WWOX: variants seen among roughly 807,000 people sequenced by gnomAD.
WWOX encodes the protein WW domain-containing oxidoreductase.
A neutral mutation model predicts 46.2 loss-of-function variants in WWOX; 69 were observed. The observed-to-expected ratio is 1.49, with a 90% CI of 1.23 to 1.82. WWOX has a LOEUF of 1.82. Among genes scored for constraint, WWOX ranks in the 40% most tolerant of loss-of-function variants. The pLI, the probability that WWOX is intolerant of heterozygous loss-of-function variation, is 0.00. For synonymous variants in WWOX, 359 were observed against 202.6 expected, an observed-to-expected ratio of 1.77 and a Z score of -6.56; for missense variants, 919 against 542.6, an observed-to-expected ratio of 1.69 and a Z score of -6.89.
At chr16:79,023,129 A>C (rs541402097) in intron 8 of WWOX, among the ~76,000 whole-genome samples, 31 of 152,302 alleles carry the variant, frequency 2.0e-4, no homozygotes, top group African/African-American at 7.5e-4. Context: ...AGGAGGGGGA[A>C]TGTGACCCGG....
rs1335741886 is a variant in WWOX, at chr16:78,341,711, T to G, written c.517-45149T>G. 1.7e-5 allele frequency among the ~76,000 whole-genome samples: 2 copies of G among 120,296 alleles called. 1 individual carries two copies. The highest frequency in any genetic ancestry group is 4.0e-5 in the Non-Finnish European group (2 of 50,358). The allele number at this position is 120,296 out of a possible 152,430, so 78.9% of individuals were successfully genotyped here. ...CACAGGTGAGACATAGCATCGAGTG[T>G]GGAAACCTCCATGGGTGGCAGGTCA... On this transcript the variant is annotated intron_variant, in intron 5 of 8. Transcript: ENST00000566780.
intron 8 of WWOX, among the ~76,000 whole-genome samples, chr16:78,680,334 A>C (rs899231997): frequency 6.6e-6 from 1 of 152,036 alleles, no homozygotes; most frequent in Non-Finnish European, 1.5e-5. Context: ...GCGTGAGCCC[A>C]GGAGTTCAAG....
Position 78,563,573 on chromosome 16 carries a change from A to AT in WWOX, c.1056+130826dup, listed in dbSNP as rs541942718. On this transcript the variant is annotated intron_variant, in intron 8 of 8. Transcript: ENST00000566780. ...CTATTGCAATAGAACGTAAAGGTAG[A>AT]TTTTTAGAACCAAATGCCTTTTAGG... is the stretch of plus-strand genomic sequence containing the variant. 2.4e-3 allele frequency among the ~76,000 whole-genome samples: 349 copies of AT among 145,214 alleles called. 5 individuals carry two copies. Among genetic ancestry groups the AT allele is most frequent in the African/African-American group, 8.7e-3 (337 of 38,912 alleles).
chr16:79,163,811 A>G lies in WWOX; in HGVS notation c.1057-47797A>G, dbSNP rs925668136. Among the ~76,000 whole-genome samples, 35 of 119,068 alleles carry G rather than the reference A, an allele frequency of 2.9e-4. 1 individual carries two copies. The highest frequency in any genetic ancestry group is 1.1e-3 in the African/African-American group (34 of 32,366). 78.1% of individuals were successfully genotyped at this position (119,068 alleles called of 152,430 possible). Reference sequence around the variant, plus strand: ...ACTCCACCTCAAAAAAAAAAAAAAAAAAAAAAGAGAGAGAGAATAAGGTCA... The same window carrying G: ...ACTCCACCTCAAAAAAAAAAAAAAAGAAAAAAGAGAGAGAGAATAAGGTCA... On this transcript the variant is annotated intron_variant, in intron 8 of 8. Coordinates refer to ENST00000566780, the MANE Select transcript of WWOX (RefSeq NM_016373.4).
intron 8 of WWOX, among the ~76,000 whole-genome samples, chr16:78,737,657 C>T (rs939253466): frequency 2.0e-5 from 3 of 152,154 alleles, no homozygotes; most frequent in Admixed American, 6.5e-5. Flanking sequence ...CATAGTTTAG[C>T]TCCCAGTCTA....
At chr16:78,580,072 G>T (rs541970756) in intron 8 of WWOX, among the ~76,000 whole-genome samples, 1 of 147,002 alleles carries the variant, frequency 6.8e-6, no homozygotes, top group South Asian at 2.2e-4. Context: ...TTTGACAGAG[G>T]AAATTTTTTT....
At chr16:78,484,416 A>G (rs2084578236) in intron 8 of WWOX, among the ~76,000 whole-genome samples, 1 of 152,182 alleles carries the variant, frequency 6.6e-6, no homozygotes, top group Non-Finnish European at 1.5e-5. Flanking sequence ...ATTGGTCGAT[A>G]TACTCTGTAA....
At chr16:78,301,068 A>G (rs1344043267) in intron 5 of WWOX, among the ~76,000 whole-genome samples, 1 of 152,198 alleles carries the variant, frequency 6.6e-6, no homozygotes, top group Non-Finnish European at 1.5e-5. Flanking sequence ...AGTTGCAGAC[A>G]TCAACAAACT....
At chr16:78,544,421 A>G (rs1194550127) in intron 8 of WWOX, among the ~76,000 whole-genome samples, 1 of 152,188 alleles carries the variant, frequency 6.6e-6, no homozygotes, top group African/African-American at 2.4e-5. Context: ...TCATCTTATT[A>G]AGTAGTCAGT....
chr16:78,629,874 T>C (rs2046388119), intron 8 of WWOX, among the ~76,000 whole-genome samples: 1 of 152,350 alleles, frequency 6.6e-6, no homozygotes, highest in East Asian at 1.9e-4. Flanking sequence ...TTTTAGTTTT[T>C]AGAAAATTAT....
chr16:78,774,060 G>A (rs1179318382), intron 8 of WWOX, among the ~76,000 whole-genome samples: 5 of 152,144 alleles, frequency 3.3e-5, no homozygotes, highest in Non-Finnish European at 7.4e-5. Context: ...GTTCCTTGAA[G>A]GAAGCCCGTC....
At chr16:79,124,453 G>C (rs2049707439) in intron 8 of WWOX, among the ~76,000 whole-genome samples, 1 of 152,158 alleles carries the variant, frequency 6.6e-6, no homozygotes, top group African/African-American at 2.4e-5. Flanking sequence ...TTAAGGGAAA[G>C]GAAGACAGGG....
chr16:78,733,223 T>A (rs1597510444), intron 8 of WWOX, among the ~76,000 whole-genome samples: 1 of 152,296 alleles, frequency 6.6e-6, no homozygotes, highest in Middle Eastern at 3.4e-3. Flanking sequence ...TCATTTGCCA[T>A]AAATACAAAG....
chr16:78,883,977 C>T (rs2044398015), intron 8 of WWOX, among the ~76,000 whole-genome samples: 4 of 152,092 alleles, frequency 2.6e-5, no homozygotes, highest in Middle Eastern at 6.8e-3. Context: ...TATATCTGAT[C>T]CCCTAGAAAT....
Position 78,114,889 on chromosome 16 carries a change from T to A in WWOX, c.231-87T>A, listed in dbSNP as rs140840078. Reference sequence around the variant, plus strand: ...AATAAGCATTTTGGTCTATGAAAAATGGGGTTTTCCTAAAGTATAAGATTG... The same window carrying A: ...AATAAGCATTTTGGTCTATGAAAAAAGGGGTTTTCCTAAAGTATAAGATTG... On this transcript the variant is annotated intron_variant, in intron 3 of 8. Transcript: ENST00000566780. 412 of 1,565,176 alleles carry A rather than the reference T, an allele frequency of 2.6e-4. 6 individuals carry two copies. The East Asian group carries it at 8.1e-3, about 31-fold the overall frequency.
At chr16:78,731,745 C>T (rs1014884175) in intron 8 of WWOX, among the ~76,000 whole-genome samples, 2 of 151,712 alleles carry the variant, frequency 1.3e-5, no homozygotes, top group Non-Finnish European at 1.5e-5. Flanking sequence ...GCAGACTGGG[C>T]AGTAGTTCCC....
intron 5 of WWOX, among the ~76,000 whole-genome samples, chr16:78,237,125 C>T (rs2037468174): frequency 6.6e-6 from 1 of 150,906 alleles, no homozygotes; most frequent in Non-Finnish European, 1.5e-5. Context: ...TTATTGAGCT[C>T]CATGGTAAAT....
chr16:78,256,701 G>T (rs930725267), intron 5 of WWOX, among the ~76,000 whole-genome samples: 1 of 152,098 alleles, frequency 6.6e-6, no homozygotes, highest in Non-Finnish European at 1.5e-5. Context: ...AATACTTGTT[G>T]AATGACTGAA....
At chr16:78,888,645 T>A (rs1487342961) in intron 8 of WWOX, among the ~76,000 whole-genome samples, 2 of 152,130 alleles carry the variant, frequency 1.3e-5, no homozygotes, top group Non-Finnish European at 2.9e-5. Context: ...GAACTTATTT[T>A]TATGTTGCCA....
Sources: gnomAD v4.1 joint callset for allele counts (sites outside exome capture counted in the v4.1 genomes callset) on GRCh38, gnomAD v4.1.1 for gene constraint, MANE v1.5 for transcripts, NCBI Gene and HGNC (gene_info 2026-07-23, HGNC 2026-07-21) for gene names.